Variants in FMN2 observed in about 807,000 individuals in gnomAD.
FMN2 encodes formin-2.
A neutral mutation model predicts 142.3 loss-of-function variants in FMN2; 51 were observed. The observed-to-expected ratio is 0.36, with a 90% CI of 0.29 to 0.45. FMN2 has a LOEUF of 0.45. Among genes scored for constraint, FMN2 ranks in the 20% least tolerant of loss-of-function variants. The pLI is 1.00. For synonymous variants in FMN2, 882 were observed against 869.8 expected (o/e 1.01, Z -0.25); for missense variants, 1,936 against 2,122.8 (o/e 0.91, Z 1.73).
At chr1:240,440,080 G>GT (rs1384779559) in intron 16 of FMN2, among the ~76,000 whole-genome samples, 2 of 152,180 alleles carry the variant, frequency 1.3e-5, no homozygotes, top group African/African-American at 4.8e-5. Flanking sequence ...GACTGATGAC[G>GT]TTGTCACTTT....
intron 2 of FMN2, among the ~76,000 whole-genome samples, chr1:240,157,805 A>T (rs1472329373): frequency 6.6e-6 from 1 of 151,886 alleles, no homozygotes; most frequent in Admixed American, 6.6e-5. Context: ...TACTTTTTTT[A>T]AAAAAATGAC....
intron 15 of FMN2, among the ~76,000 whole-genome samples, chr1:240,407,010 T>C (rs1674230069): frequency 6.6e-6 from 1 of 152,202 alleles, no homozygotes. Context: ...TGTTGTCTAC[T>C]CCGGCATGCA....
chr1:240,135,771 C>A (rs1012483097), intron 2 of FMN2, among the ~76,000 whole-genome samples: 1 of 151,600 alleles, frequency 6.6e-6, no homozygotes, highest in African/African-American at 2.4e-5. Flanking sequence ...CCTCCGCCTC[C>A]TGGGTTCAAG....
At chr1:240,200,399 C>T (rs115905401) in intron 4 of FMN2, among the ~76,000 whole-genome samples, 3,400 of 152,214 alleles carry the variant, frequency 0.022, 144 homozygotes, top group African/African-American at 0.077. Context: ...TTCTCTAGAG[C>T]GCTTTACAGG....
chr1:240,429,157 A>G (rs533201463), intron 15 of FMN2, among the ~76,000 whole-genome samples: 1 of 152,202 alleles, frequency 6.6e-6, no homozygotes, highest in African/African-American at 2.4e-5. Context: ...CTTATGTCTG[A>G]GTTTTTAAAA....
chr1:240,423,420 A>G (rs1001144972), intron 15 of FMN2, among the ~76,000 whole-genome samples: 6 of 152,242 alleles, frequency 3.9e-5, no homozygotes, highest in Non-Finnish European at 8.8e-5. Flanking sequence ...CGCAAAAGCA[A>G]TGGAAGATTT....
intron 14 of FMN2, among the ~76,000 whole-genome samples, chr1:240,365,045 C>T (rs931576776): frequency 6.6e-6 from 1 of 152,158 alleles, no homozygotes; most frequent in Admixed American, 6.5e-5. Context: ...TGTAAGTCTT[C>T]TCACTATTAC....
intron 6 of FMN2, among the ~76,000 whole-genome samples, chr1:240,214,790 G>T (rs372864994): frequency 8.3e-4 from 126 of 152,250 alleles, no homozygotes; most frequent in African/African-American, 3.0e-3. Flanking sequence ...AACCCACTGG[G>T]TATGGTGGCT....
intron 16 of FMN2, chr1:240,471,778 C>T (rs1198646892): frequency 6.6e-6 from 1 of 152,602 alleles, no homozygotes; most frequent in African/African-American, 2.4e-5. Flanking sequence ...GATCACAGCT[C>T]ACTGCAGGGC....
chr1:240,220,698 A>G (rs1291777313), intron 6 of FMN2, among the ~76,000 whole-genome samples: 5 of 141,956 alleles, frequency 3.5e-5, no homozygotes, highest in Non-Finnish European at 1.6e-5. Flanking sequence ...TGTGTGTGTT[A>G]TTAATCCCAT....
chr1:240,258,158 A>G lies in FMN2; in HGVS notation c.4153+126A>G. On this transcript the variant is annotated intron_variant, in intron 7 of 17. Coordinates refer to ENST00000319653, the MANE Select transcript of FMN2 (RefSeq NM_020066.5). ...AAACCGAGGTTAGTATATATCCCGT[A>G]AGTGTGATCAAGCTATCTCCCATGA... 4.6e-6 allele frequency: 3 copies of G among 651,618 alleles called. No homozygotes were observed. In the South Asian group the frequency reaches 5.9e-5, roughly 13 times the overall value. The allele number at this position is 651,618 out of a possible 1,614,324, so 40.4% of individuals were successfully genotyped here.
intron 1 of FMN2, among the ~76,000 whole-genome samples, chr1:240,112,279 G>A (rs932616914): frequency 1.3e-5 from 2 of 151,724 alleles, no homozygotes; most frequent in African/African-American, 2.4e-5. Flanking sequence ...CTACAGGCAC[G>A]CACCACCACA....
intron 3 of FMN2, among the ~76,000 whole-genome samples, chr1:240,185,537 G>T (rs1187400980): frequency 6.6e-6 from 1 of 152,208 alleles, no homozygotes; most frequent in Admixed American, 6.5e-5. Flanking sequence ...TTGGGTGTAG[G>T]TGTGCAGAAT....
At chr1:240,399,375 GA>G (rs1673895342) in intron 15 of FMN2, among the ~76,000 whole-genome samples, 1 of 152,080 alleles carries the variant, frequency 6.6e-6, no homozygotes. Flanking sequence ...AACATGTCTA[GA>G]AATTGTTCTA....
At chr1:240,244,405 A>T (rs979536150) in intron 6 of FMN2, among the ~76,000 whole-genome samples, 8 of 152,212 alleles carry the variant, frequency 5.3e-5, no homozygotes, top group African/African-American at 1.9e-4. Context: ...GAGCTCTTTG[A>T]TGTCATCTTA....
chr1:240,184,892 C>T (rs555015416), intron 3 of FMN2, among the ~76,000 whole-genome samples: 2 of 151,978 alleles, frequency 1.3e-5, no homozygotes, highest in Non-Finnish European at 2.9e-5. Context: ...TCTCCGCTCC[C>T]TAAAGGACAC....
At chr1:240,153,385 GTT>G (rs58725251) in intron 2 of FMN2, among the ~76,000 whole-genome samples, 4 of 124,298 alleles carry the variant, frequency 3.2e-5, no homozygotes, top group Admixed American at 8.9e-5. Context: ...TGTATTTACA[GTT>G]TTTTTTTTTT....
chr1:240,112,961 GT>G (rs1661870883), intron 1 of FMN2, among the ~76,000 whole-genome samples: 1 of 152,234 alleles, frequency 6.6e-6, no homozygotes, highest in African/African-American at 2.4e-5. Context: ...ACTTAGTGCT[GT>G]TTTGCAAAGA....
chr1:240,372,612 C>T (rs535074417), intron 14 of FMN2, among the ~76,000 whole-genome samples: 2 of 149,616 alleles, frequency 1.3e-5, no homozygotes, highest in East Asian at 1.9e-4. Flanking sequence ...GAAAACCAAA[C>T]CTAAATCACT....
Sources: gnomAD v4.1 joint callset for allele counts (sites outside exome capture counted in the v4.1 genomes callset) on GRCh38, gnomAD v4.1.1 for gene constraint, MANE v1.5 for transcripts, NCBI Gene and HGNC (gene_info 2026-07-23, HGNC 2026-07-21) for gene names.